LILRB1: variants seen among roughly 807,000 people sequenced by gnomAD.
LILRB1 encodes the protein leukocyte immunoglobulin like receptor B1, also known as leukocyte immunoglobulin-like receptor subfamily B member 1.
Under a neutral mutation model 74.6 loss-of-function variants are expected in LILRB1, and 59 were observed. The ratio of observed to expected loss-of-function variants is 0.79; its 90% CI spans 0.64 to 0.98. The LOEUF (loss-of-function observed/expected upper bound fraction) is 0.98, where lower values mean the gene tolerates loss of function less well. LILRB1 is among the 50% of genes least tolerant of loss of function. The probability of loss-of-function intolerance (pLI) is 0.00; values close to 1 mark genes in which losing one functional copy is unlikely to be tolerated. For missense variants in LILRB1, 804 were observed against 822.6 expected (o/e 0.98, Z 0.28); for synonymous variants, 328 against 333.9 (o/e 0.98, Z 0.19).
intron 1 of LILRB1, among the ~76,000 whole-genome samples, chr19:54,624,733 G>A (rs565507003): frequency 9.2e-5 from 14 of 152,184 alleles, no homozygotes; most frequent in African/African-American, 2.4e-4. Flanking sequence ...TGGCTGCTCC[G>A]GGGTTCAGAT....
At chr19:54,636,700 C>G (rs373606950) in intron 14 of LILRB1, 32 bp from the exon 15 acceptor site, 42 of 1,602,702 alleles carry the variant, frequency 2.6e-5, no homozygotes, top group Non-Finnish European at 3.5e-5. Context: ...ACCCCCACCA[C>G]GTTCCTTCCC....
chr19:54,619,078 A>C (rs918491459), intron 1 of LILRB1, among the ~76,000 whole-genome samples: 4 of 152,186 alleles, frequency 2.6e-5, no homozygotes, highest in African/African-American at 9.6e-5. Flanking sequence ...GTTTAATTCA[A>C]AGCTTTTTTA....
In LILRB1 at chr19:54,634,367, C is replaced by T. The variant is rs978421578; in HGVS notation, c.1364-274C>T. On this transcript the variant is annotated intron_variant, in intron 9 of 14. Coordinates refer to ENST00000324602, the MANE Select transcript of LILRB1 (RefSeq NM_001081637.3). ...CGGTCAGGCTCTTTCCCTGCAGCTC[C>T]GGGGCTCGGCTCTGGTGCAGGAACA... 1.7e-5 allele frequency: 26 copies of T among 1,538,624 alleles called. No homozygotes were observed. The East Asian group carries it at 1.7e-4, about 10-fold the overall frequency.
At chr19:54,621,252 A>G (rs1174781309) in intron 1 of LILRB1, among the ~76,000 whole-genome samples, 2 of 97,152 alleles carry the variant, frequency 2.1e-5, no homozygotes, top group East Asian at 2.3e-4. Context: ...TGGTAGTTCT[A>G]TTTTTAGTTG....
rs199604382 is a variant in LILRB1, at chr19:54,631,029, C to T, written c.-45C>T. The T allele has an allele frequency of 7.4e-6, 12 of 1,614,238 alleles. No homozygotes were observed. Among genetic ancestry groups the T allele is most frequent in the Admixed American group, 1.7e-5 (1 of 60,030 alleles). On this transcript the variant is annotated 5_prime_UTR_variant, in exon 2 of 15. An upstream open reading frame in the 5' UTR gains an earlier in-frame stop. Transcript: ENST00000324602. ...GTGTGTCTCTCTATCCTGCCAGCAC[C>T]GAGGGCTCATCCATCCACAGAGCAG...
In LILRB1 at chr19:54,632,590, G is replaced by C; in HGVS notation, c.788G>C (p.Arg263Pro). Reference protein sequence around the residue: ...NRFVLYKDGERDFLQLAGAQP... With the variant: ...NRFVLYKDGEPDFLQLAGAQP... ...TTTGTTCTGTATAAGGACGGGGAAC[G>C]TGACTTCCTTCAGCTCGCTGGCGCA... The change falls in exon 6 of 15, where the codon CGT (arginine) becomes CCT (proline). Residue 263 changes from arginine (R) to proline (P), a missense_variant. Coordinates refer to ENST00000324602, the MANE Select transcript of LILRB1 (RefSeq NM_001081637.3). The C allele has an allele frequency of 6.2e-7, 1 of 1,614,146 alleles. No individual in the cohort carries two copies. Among genetic ancestry groups the C allele is most frequent in the Non-Finnish European group, 8.5e-7 (1 of 1,180,012 alleles).
chr19:54,628,705 C>T (rs111539070), upstream of LILRB1, among the ~76,000 whole-genome samples: 99 of 152,176 alleles, frequency 6.5e-4, no homozygotes, highest in African/African-American at 2.2e-3. Flanking sequence ...CAGAAACCCA[C>T]GAAACCCAGT....
upstream of LILRB1, among the ~76,000 whole-genome samples, chr19:54,629,419 T>C (rs2063694619): frequency 6.6e-6 from 1 of 152,242 alleles, no homozygotes; most frequent in Non-Finnish European, 1.5e-5. Context: ...CTGAAGAAGA[T>C]GCTGCTATGT....
chr19:54,621,583 A>C lies in LILRB1; in HGVS notation c.-166+4234A>C, dbSNP rs568384651. Among the ~76,000 whole-genome samples the C allele has an allele frequency of 3.7e-3, 558 of 150,530 alleles. 4 individuals are homozygous for C. Among genetic ancestry groups the C allele is most frequent in the African/African-American group, 0.013 (531 of 40,776 alleles). On this transcript the variant is annotated intron_variant, in intron 1 of 15. Transcript: ENST00000396331. ...TCTTTGACTTCCTTGCAGATTCTGG[A>C]CATTAGTCTTTTGTTGGAGGCATAA... is the stretch of plus-strand genomic sequence containing the variant.
At chr19:54,635,330 G>A (rs2064301633) in intron 12 of LILRB1, 34 bp downstream of exon 12, 1 of 1,611,712 alleles carries the variant, frequency 6.2e-7, no homozygotes, top group African/African-American at 1.3e-5. Flanking sequence ...AGCCAGGAGG[G>A]AGATGGGGGC....
chr19:54,636,633 A>G lies in LILRB1; in HGVS notation c.1793A>G (p.Asp598Gly), dbSNP rs779498070. ...LDTKDRQAEEDRQMDTEAAAS... is the reference protein window; with the variant it reads ...LDTKDRQAEEGRQMDTEAAAS... ...ACAAAGGACAGACAGGCGGAAGAGG[A>G]CAGGCAGATGGACACTGAGGTGAGT... The change falls in exon 14 of 15, where the codon GAC becomes GGC. Residue 598 changes from aspartate (D) to glycine (G), a missense_variant. Asp to Gly is a moderately conservative substitution (Grantham distance 94). Coordinates refer to ENST00000324602, the MANE Select transcript of LILRB1 (RefSeq NM_001081637.3). 1.2e-6 allele frequency: 2 copies of G among 1,610,664 alleles called. No homozygotes were observed. The highest frequency in any genetic ancestry group is 1.7e-6 in the Non-Finnish European group (2 of 1,178,844).
intron 13 of LILRB1, chr19:54,636,184 A>G (rs78979983): frequency 0.11 from 63,604 of 557,892 alleles, 4,871 homozygotes; most frequent in African/African-American, 0.18. Context: ...AAGCCTGGAC[A>G]GAGTGGGGCA....
chr19:54,631,340 T>G, intron 3 of LILRB1, 34 bp downstream of exon 3: 1 of 1,613,410 alleles, frequency 6.2e-7, no homozygotes, highest in Non-Finnish European at 8.5e-7. Context: ...AGGTCCCTCC[T>G]CCTCACTGGG....
intron 7 of LILRB1, 76 bp from the exon 8 acceptor site, chr19:54,633,562 T>G (rs2064108949): frequency 2.9e-6 from 4 of 1,395,364 alleles, no homozygotes; most frequent in South Asian, 1.3e-5. Flanking sequence ...ACAGGTCCCA[T>G]GTAGAGAAAT....
chr19:54,635,501 C>T (rs2064317011), intron 12 of LILRB1, 56 bp from the exon 13 acceptor site: 1 of 1,580,282 alleles, frequency 6.3e-7, no homozygotes, highest in South Asian at 1.2e-5. Flanking sequence ...GCTGGCAGGA[C>T]TCAGAGGTCC....
upstream of LILRB1, among the ~76,000 whole-genome samples, chr19:54,625,564 C>A (rs796582008): frequency 2.6e-5 from 4 of 152,062 alleles, no homozygotes; most frequent in South Asian, 2.1e-4. Flanking sequence ...ATCCCAGGGG[C>A]CTCACACCCA....
At chr19:54,636,017 C>T (rs1457805477) in intron 13 of LILRB1, 2 of 548,026 alleles carry the variant, frequency 3.6e-6, no homozygotes, top group Admixed American at 2.2e-5. Context: ...GCCTCCTGAG[C>T]TCACCTCGTG....
At position 54,631,382 on chromosome 19, in the gene LILRB1, G is replaced by A; in HGVS notation, c.70+76G>A. 11 of 1,613,456 alleles carry A rather than the reference G, an allele frequency of 6.8e-6. 1 individual carries two copies. In the South Asian group the frequency reaches 1.2e-4, roughly 18 times the overall value. On this transcript the variant is annotated intron_variant, in intron 3 of 14. Coordinates refer to ENST00000324602, the MANE Select transcript of LILRB1 (RefSeq NM_001081637.3). ...GGGCCACCCCCGTGCCGCTGGGGAT[G>A]GGGAATAGCAGTTCTGGGCTGACTG...
intron 1 of LILRB1, among the ~76,000 whole-genome samples, chr19:54,621,099 C>G (rs1287297640): frequency 6.6e-6 from 1 of 152,180 alleles, no homozygotes; most frequent in African/African-American, 2.4e-5. Context: ...GTCTCACACT[C>G]CCAACCTCAG....
Sources: gnomAD v4.1 joint callset for allele counts (sites outside exome capture counted in the v4.1 genomes callset) on GRCh38, gnomAD v4.1.1 for gene constraint, MANE v1.5 for transcripts, NCBI Gene and HGNC (gene_info 2026-07-23, HGNC 2026-07-21) for gene names.